Variants in DIAPH3 observed in about 807,000 individuals in gnomAD.
The protein encoded by DIAPH3 is protein diaphanous homolog 3.
A neutral mutation model predicts 144.3 loss-of-function variants in DIAPH3; 117 were observed. The ratio of observed to expected loss-of-function variants is 0.81; its 90% CI spans 0.70 to 0.95. DIAPH3 has a LOEUF of 0.95. Ranked by LOEUF, DIAPH3 falls within the 40% of genes least tolerant of loss-of-function variation. DIAPH3 has a pLI of 0.00. For missense variants in DIAPH3, 1,421 were observed against 1,412.7 expected, an observed-to-expected ratio of 1.01 and a Z score of -0.09; for synonymous variants, 519 against 488.9, an observed-to-expected ratio of 1.06 and a Z score of -0.81.
At position 59,728,496 on chromosome 13, in the gene DIAPH3, A is replaced by G. The variant is rs76081158; in HGVS notation, c.3319+45693T>C. Among the ~76,000 whole-genome samples, 1,369 of 152,210 alleles carry G rather than the reference A, an allele frequency of 9.0e-3. 10 individuals carry two copies. The highest frequency in any genetic ancestry group is 0.031 in the African/African-American group (1,278 of 41,552). On this transcript the variant is annotated intron_variant, in intron 27 of 27. Coordinates refer to ENST00000400324, the MANE Select transcript of DIAPH3 (RefSeq NM_001042517.2). ...AGATAGAAGAGATAGTGGTAACATT[A>G]ATTGACACTGTAGAAAGAAATTGTG...
At chr13:59,771,839 T>C (rs2038138280) in intron 27 of DIAPH3, among the ~76,000 whole-genome samples, 1 of 151,992 alleles carries the variant, frequency 6.6e-6, no homozygotes. Flanking sequence ...GTAATATGCA[T>C]AAAATATTCA....
intron 27 of DIAPH3, among the ~76,000 whole-genome samples, chr13:59,748,016 TC>T (rs775086845): frequency 2.0e-5 from 3 of 152,132 alleles, no homozygotes; most frequent in Non-Finnish European, 4.4e-5. Context: ...AAAGCAAAGG[TC>T]TACAAATCAT....
intron 4 of DIAPH3, among the ~76,000 whole-genome samples, chr13:60,092,477 C>A (rs1372240784): frequency 6.6e-6 from 1 of 152,096 alleles, no homozygotes; most frequent in Non-Finnish European, 1.5e-5. Context: ...ACGGTGAAAC[C>A]CCGTCTCTAA....
chr13:59,951,664 T>G (rs528427684), intron 17 of DIAPH3, among the ~76,000 whole-genome samples: 34 of 152,306 alleles, frequency 2.2e-4, no homozygotes, highest in African/African-American at 7.9e-4. Context: ...ATACTTGATT[T>G]TCTGTTATGT....
At chr13:59,948,174 C>A (rs561916222) in intron 17 of DIAPH3, among the ~76,000 whole-genome samples, 3 of 152,234 alleles carry the variant, frequency 2.0e-5, no homozygotes, top group South Asian at 4.1e-4. Context: ...GGATTCCAAC[C>A]AGGTAGTCTG....
intron 9 of DIAPH3, among the ~76,000 whole-genome samples, chr13:59,995,605 T>C (rs1305481340): frequency 6.6e-6 from 1 of 151,838 alleles, no homozygotes; most frequent in African/African-American, 2.4e-5. Context: ...GGAAATTTCT[T>C]TGAGAGAAAG....
intron 18 of DIAPH3, 49 bp downstream of exon 18, chr13:59,924,726 A>G: frequency 6.3e-7 from 1 of 1,574,816 alleles, no homozygotes; most frequent in Non-Finnish European, 8.6e-7. Context: ...GAAATCATTT[A>G]AAGAAATATT....
At chr13:59,735,287 T>C (rs2036088838) in intron 27 of DIAPH3, among the ~76,000 whole-genome samples, 1 of 152,178 alleles carries the variant, frequency 6.6e-6, no homozygotes, top group Non-Finnish European at 1.5e-5. Context: ...CAGTACACTT[T>C]AGATATTTTG....
chr13:59,870,844 A>G (rs1340821177), intron 21 of DIAPH3, among the ~76,000 whole-genome samples: 1 of 150,910 alleles, frequency 6.6e-6, no homozygotes, highest in East Asian at 2.0e-4. Context: ...CTAATTTTGT[A>G]TTTTTAGTAG....
chr13:60,008,567 G>A lies in DIAPH3; in HGVS notation c.991C>T (p.Arg331Trp), dbSNP rs751399426. 7.4e-6 allele frequency: 12 copies of A among 1,612,904 alleles called. No homozygotes were observed. Among genetic ancestry groups the A allele is most frequent in the Middle Eastern group, 1.7e-4 (1 of 5,900 alleles). Reference protein sequence around the residue: ...DRFFCIVEGLRHNSVQLQVAC... With the variant: ...DRFFCIVEGLWHNSVQLQVAC... ...ACTTGCAGTTGAACTGAATTGTGCCGGAGGCCTTCCACAATACAAAAAAAT... is the reference window on the plus strand; with the variant it reads ...ACTTGCAGTTGAACTGAATTGTGCCAGAGGCCTTCCACAATACAAAAAAAT... The change falls in exon 9 of 28, where the codon CGG becomes TGG. Residue 331 changes from arginine to tryptophan, a missense_variant. Arg to Trp is a moderately radical substitution (Grantham distance 101). Transcript: ENST00000400324.
In DIAPH3 at chr13:59,861,394, A is replaced by T. The variant is rs1390610924; in HGVS notation, c.2737+13T>A. 1 of 1,613,660 alleles carries T rather than the reference A, an allele frequency of 6.2e-7. No homozygotes were observed. Among genetic ancestry groups the T allele is most frequent in the East Asian group, 2.2e-5 (1 of 44,768 alleles). ...GATCAGAGCCATGAAATGTTTCTTA[A>T]AAAGGCACAAACCTTTACTAGCTTT... On this transcript the variant is annotated intron_variant, in intron 22 of 27. Transcript: ENST00000400324.
intron 4 of DIAPH3, among the ~76,000 whole-genome samples, chr13:60,048,454 G>C (rs959940602): frequency 6.6e-6 from 1 of 152,196 alleles, no homozygotes; most frequent in Non-Finnish European, 1.5e-5. Flanking sequence ...ACATGTTCAA[G>C]ATCACCTGTC....
At chr13:59,823,762 T>C (rs900095800) in intron 24 of DIAPH3, among the ~76,000 whole-genome samples, 8 of 152,148 alleles carry the variant, frequency 5.3e-5, no homozygotes, top group East Asian at 1.9e-4. Flanking sequence ...AGGATCAAAT[T>C]TGTGTAATCT....
chr13:59,928,136 G>A (rs182529193), intron 17 of DIAPH3, among the ~76,000 whole-genome samples: 120 of 152,130 alleles, frequency 7.9e-4, no homozygotes, highest in African/African-American at 2.7e-3. Flanking sequence ...TTCAAACTCA[G>A]AAATTATTTC....
chr13:59,974,998 A>AT (rs2050590110), intron 14 of DIAPH3, among the ~76,000 whole-genome samples: 1 of 152,014 alleles, frequency 6.6e-6, no homozygotes, highest in African/African-American at 2.4e-5. Context: ...TGATAAATTA[A>AT]TTTTTCAAAG....
chr13:59,931,402 G>A (rs1439460918), intron 17 of DIAPH3, among the ~76,000 whole-genome samples: 3 of 152,160 alleles, frequency 2.0e-5, no homozygotes, highest in East Asian at 3.9e-4. Context: ...TAGTGGCAAA[G>A]CCTTCCCTTA....
chr13:59,706,516 GA>G (rs1324719662), intron 27 of DIAPH3, among the ~76,000 whole-genome samples: 1 of 152,176 alleles, frequency 6.6e-6, no homozygotes, highest in Non-Finnish European at 1.5e-5. Flanking sequence ...CTACGAAACT[GA>G]AAGCTGGCTG....
At chr13:60,016,649 A>T (rs562259595) in intron 5 of DIAPH3, among the ~76,000 whole-genome samples, 9 of 152,196 alleles carry the variant, frequency 5.9e-5, no homozygotes, top group South Asian at 2.1e-4. Context: ...AAAATTAATT[A>T]AAAAAAAGAG....
At chr13:60,039,594 G>A (rs1053690159) in intron 5 of DIAPH3, among the ~76,000 whole-genome samples, 4 of 152,068 alleles carry the variant, frequency 2.6e-5, no homozygotes, top group Non-Finnish European at 5.9e-5. Context: ...ATGAGCCACC[G>A]TACTCAGCCT....
Sources: gnomAD v4.1 joint callset for allele counts (sites outside exome capture counted in the v4.1 genomes callset) on GRCh38, gnomAD v4.1.1 for gene constraint, MANE v1.5 for transcripts, NCBI Gene and HGNC (gene_info 2026-07-23, HGNC 2026-07-21) for gene names.